CD8A: variants seen among roughly 807,000 people sequenced by gnomAD.
CD8A encodes T-cell surface glycoprotein CD8 alpha chain.
A neutral mutation model predicts 24.2 loss-of-function variants in CD8A; 25 were observed. The ratio of observed to expected loss-of-function variants is 1.03; its 90% CI spans 0.75 to 1.44. The LOEUF is 1.44. CD8A is among the 40% of genes most tolerant of loss of function. The pLI, the probability that CD8A is intolerant of heterozygous loss-of-function variation, is 0.00. For synonymous variants in CD8A, 165 were observed against 149.9 expected, an observed-to-expected ratio of 1.10 and a Z score of -0.74; for missense variants, 360 against 319.7, an observed-to-expected ratio of 1.13 and a Z score of -0.96.
upstream of CD8A, among the ~76,000 whole-genome samples, chr2:86,795,553 G>C (rs1673454959): frequency 6.6e-6 from 1 of 152,168 alleles, no homozygotes; most frequent in South Asian, 2.1e-4. Flanking sequence ...TGGAATCAGG[G>C]GCTGGCTTGC....
chr2:86,797,223 TG>T (rs1258964587), intron 3 of CD8A, among the ~76,000 whole-genome samples: 1 of 152,034 alleles, frequency 6.6e-6, no homozygotes, highest in African/African-American at 2.4e-5. Flanking sequence ...GATGTAGCCT[TG>T]GGAAGGAGGT....
intron 3 of CD8A, among the ~76,000 whole-genome samples, chr2:86,796,819 A>T (rs1673499725): frequency 6.6e-6 from 1 of 152,090 alleles, no homozygotes; most frequent in South Asian, 2.1e-4. Context: ...AAGACGTCAG[A>T]CTCTTCACCT....
At chr2:86,788,245 G>GT (rs10663115) in intron 5 of CD8A, among the ~76,000 whole-genome samples, 69,293 of 127,048 alleles carry the variant, frequency 0.55, 19,310 homozygotes, top group East Asian at 0.76. Context: ...AATCCCTCAG[G>GT]TTTTTTTTTT....
chr2:86,786,033 G>T, intron 5 of CD8A, 62 bp from the exon 6 acceptor site: 2 of 1,269,162 alleles, frequency 1.6e-6, no homozygotes, highest in Admixed American at 1.7e-5. Flanking sequence ...CATCCATCCA[G>T]CCACGTCCAG....
intron 2 of CD8A, among the ~76,000 whole-genome samples, chr2:86,803,677 G>A (rs1052883219): frequency 6.6e-6 from 1 of 152,108 alleles, no homozygotes; most frequent in Middle Eastern, 3.2e-3. Context: ...TCAGCCTCCT[G>A]AGTAGCTGGG....
chr2:86,790,528 G>A lies in CD8A; in HGVS notation c.203C>T (p.Thr68Ile). 1.9e-6 allele frequency: 3 copies of A among 1,614,002 alleles called. No homozygotes were observed. The highest frequency in any genetic ancestry group is 2.5e-6 in the Non-Finnish European group (3 of 1,180,024). ...FQPRGAAASP[T>I]FLLYLSQNKP... ...GTTTTGGGAGAGGTATAGGAGGAAG[G>A]TGGGACTGGCGGCGGCGCCGCGCGG... The change falls in exon 2 of 6, where the codon ACC becomes ATC. Residue 68 changes from threonine (T) to isoleucine (I), a missense_variant. Coordinates refer to ENST00000283635, the MANE Select transcript of CD8A (RefSeq NM_001768.7).
chr2:86,798,185 T>C (rs572131418), intron 3 of CD8A, among the ~76,000 whole-genome samples: 7 of 152,196 alleles, frequency 4.6e-5, no homozygotes, highest in African/African-American at 1.7e-4. Flanking sequence ...TTTCTTTTTT[T>C]TTTTTTTGAG....
intron 2 of CD8A, among the ~76,000 whole-genome samples, chr2:86,806,068 A>G (rs1673844247): frequency 1.3e-5 from 2 of 152,196 alleles, no homozygotes; most frequent in Non-Finnish European, 2.9e-5. Flanking sequence ...TTCTTTTTGC[A>G]TAAGTTGGTT....
chr2:86,794,498 G>A (rs1189122628), upstream of CD8A, among the ~76,000 whole-genome samples: 1 of 152,146 alleles, frequency 6.6e-6, no homozygotes, highest in Admixed American at 6.5e-5. Context: ...TCCAGGGCTA[G>A]AAACTCTAGA....
In CD8A at chr2:86,789,311, C is replaced by T. The variant is rs374568094; in HGVS notation, c.625+12G>A. 25 of 1,560,134 alleles carry T rather than the reference C, an allele frequency of 1.6e-5. No homozygotes were observed. Among genetic ancestry groups the T allele is most frequent in the Non-Finnish European group, 2.1e-5 (24 of 1,130,632 alleles). ...GGCCGACTCCTTCCCGCCGCGATTC[C>T]TCGGGACTTACTGTGGTTGCAGTAA... On this transcript the variant is annotated intron_variant, in intron 4 of 5. Coordinates refer to ENST00000283635, the MANE Select transcript of CD8A (RefSeq NM_001768.7).
chr2:86,787,898 AGT>A (rs34388912), intron 5 of CD8A, among the ~76,000 whole-genome samples: 36 of 144,502 alleles, frequency 2.5e-4, no homozygotes, highest in South Asian at 6.8e-4. Context: ...AGAGAGAGAG[AGT>A]GTGTGTGTGT....
chr2:86,789,933 C>G (rs531945151), intron 2 of CD8A, among the ~76,000 whole-genome samples, 183 bp from the exon 3 acceptor site: 4 of 151,928 alleles, frequency 2.6e-5, no homozygotes, highest in Admixed American at 6.5e-5. Flanking sequence ...GGCCTCGGCT[C>G]AGCCCAGCGC....
At chr2:86,802,581 A>G (rs1673710753) in intron 2 of CD8A, among the ~76,000 whole-genome samples, 1 of 152,108 alleles carries the variant, frequency 6.6e-6, no homozygotes, top group Admixed American at 6.5e-5. Flanking sequence ...GAGGAAGTAG[A>G]ATAGAATTCA....
chr2:86,786,968 C>A (rs569876176), intron 5 of CD8A, among the ~76,000 whole-genome samples: 2 of 111,316 alleles, frequency 1.8e-5, no homozygotes, highest in South Asian at 3.4e-4. Context: ...TGCAGTGAGC[C>A]GAGATCGCAC....
rs1488978000 is a variant in CD8A at position 86,790,580 on chromosome 2, T to C, written c.151A>G (p.Thr51Ala). 1.2e-6 allele frequency: 2 copies of C among 1,612,354 alleles called. No homozygotes were observed. The highest frequency in any genetic ancestry group is 2.7e-5 in the African/African-American group (2 of 74,960). Reference sequence around the variant, plus strand: ...TGGAAGAGCCACGAGCAGCCCGACGTCGGGTTGGACAGCAGCACCTGGCAC... The same window carrying C: ...TGGAAGAGCCACGAGCAGCCCGACGCCGGGTTGGACAGCAGCACCTGGCAC... ...LKCQVLLSNP[T>A]SGCSWLFQPR... The change falls in exon 2 of 6, where the codon ACG becomes GCG. Residue 51 changes from threonine (T) to alanine (A), a missense_variant. By Grantham distance (58) the Thr-to-Ala change is moderately conservative. Coordinates refer to ENST00000283635, the MANE Select transcript of CD8A (RefSeq NM_001768.7).
chr2:86,807,182 C>G (rs1178806936), intron 2 of CD8A, among the ~76,000 whole-genome samples: 1 of 151,966 alleles, frequency 6.6e-6, no homozygotes, highest in African/African-American at 2.4e-5. Context: ...AAAAAGCCAG[C>G]GTGCTGGCGC....
At chr2:86,798,605 C>T (rs1264810786) in intron 3 of CD8A, among the ~76,000 whole-genome samples, 2 of 152,262 alleles carry the variant, frequency 1.3e-5, no homozygotes, top group East Asian at 1.9e-4. Context: ...TCACTGCAAC[C>T]TTTGCCTCCA....
Position 86,797,249 on chromosome 2 carries a change from G to A in CD8A, c.-271+4262C>T, listed in dbSNP as rs574569146. ...GGGAAGGAGGTGATAAGTTGTGAGA[G>A]TGGGTGTCATTGCAAAGGGAGGTGG... On this transcript the variant is annotated intron_variant, in intron 3 of 8. Transcript: ENST00000409511. Among the ~76,000 whole-genome samples, 9 of 152,316 alleles carry A rather than the reference G, an allele frequency of 5.9e-5. No individual in the cohort carries two copies. In the South Asian group the frequency reaches 1.7e-3, roughly 28 times the overall value.
chr2:86,786,015 C>T (rs1672985067), intron 5 of CD8A, 44 bp from the exon 6 acceptor site: 1 of 1,513,908 alleles, frequency 6.6e-7, no homozygotes, highest in Non-Finnish European at 9.2e-7. Context: ...AGAACCCCGC[C>T]AGTGCAGCAT....
Sources: allele counts gnomAD v4.1 joint callset (sites outside exome capture counted in the v4.1 genomes callset), GRCh38; gene constraint gnomAD v4.1.1; transcripts MANE v1.5; gene names NCBI Gene and HGNC (gene_info 2026-07-23, HGNC 2026-07-21).